AVEN: variants seen among roughly 807,000 people sequenced by gnomAD.
AVEN encodes the protein cell death regulator Aven.
AVEN carries 41 observed loss-of-function variants against 38.1 expected under a neutral mutation model. The observed-to-expected ratio is 1.08, with a 90% confidence interval of 0.84 to 1.40. AVEN has a LOEUF of 1.40. Among genes scored for constraint, AVEN ranks in the 40% most tolerant of loss-of-function variants. The pLI, the probability that AVEN is intolerant of heterozygous loss-of-function variation, is 0.00. For synonymous variants in AVEN, 206 were observed against 171.8 expected (o/e 1.20, Z -1.56); for missense variants, 605 against 438.8 (o/e 1.38, Z -3.38).
At chr15:33,865,222 G>A (rs1490128710), downstream of AVEN, 2 of 1,610,502 alleles carry the variant, frequency 1.2e-6, no homozygotes, top group South Asian at 1.1e-5. Context: ...GATCAGCTTG[G>A]ATAAATCTGA....
intron 2 of AVEN, among the ~76,000 whole-genome samples, chr15:34,068,550 A>G (rs1398253505): frequency 6.6e-6 from 1 of 152,040 alleles, no homozygotes; most frequent in Non-Finnish European, 1.5e-5. Context: ...ATTTTACATA[A>G]CCTCAATACA....
chr15:33,876,005 G>T lies in AVEN; in HGVS notation c.446-10C>A. 1 of 1,587,458 alleles carries T rather than the reference G, an allele frequency of 6.3e-7. No individual in the cohort carries two copies. On this transcript the variant is annotated splice_polypyrimidine_tract_variant and intron_variant, in intron 2 of 5. Coordinates refer to ENST00000306730, the MANE Select transcript of AVEN (RefSeq NM_020371.3). Reference sequence around the variant, plus strand: ...TGTGAGAATGAGTCCCCTAGGAATAGGAAAAAAAAAAAAATTTATGCAAAA... The same window carrying T: ...TGTGAGAATGAGTCCCCTAGGAATATGAAAAAAAAAAAAATTTATGCAAAA...
At chr15:33,986,513 G>C (rs963474847) in intron 2 of AVEN, among the ~76,000 whole-genome samples, 11 of 152,090 alleles carry the variant, frequency 7.2e-5, no homozygotes, top group Non-Finnish European at 1.3e-4. Context: ...TACTTAGCTA[G>C]AAAGTAAGAG....
rs11294882 is a variant in AVEN, at chr15:34,005,432, A to AT, written c.268-2224dup. ...TGCTTCCTCATGGTATTATTTACAG[A>AT]TTTTTTTTATCTCCAATATTATCTA... On this transcript the variant is annotated intron_variant, in intron 1 of 5. Coordinates refer to ENST00000306730, the MANE Select transcript of AVEN (RefSeq NM_020371.3). 4.0e-4 allele frequency among the ~76,000 whole-genome samples: 61 copies of AT among 152,006 alleles called. No homozygotes were observed. In the East Asian group the frequency reaches 0.011, roughly 27 times the overall value.
At position 34,073,979 on chromosome 15, in the gene AVEN, TCTTCTTCTTC is replaced by T. The variant is rs1185096209; in HGVS notation, n.720+447_720+456del. On this transcript the variant is annotated intron_variant and non_coding_transcript_variant, in intron 1 of 11. Transcript: ENST00000675287. ...TACTGTTTGGAGGAACTTTCTTTTT[TCTTCTTCTTC>T]TTTTTTTTTTTTTTTTTTTTTTTTT... Among the ~76,000 whole-genome samples the T allele has an allele frequency of 3.1e-4, 7 of 22,572 alleles. 2 individuals carry two copies. Among genetic ancestry groups the T allele is most frequent in the East Asian group, 2.5e-3 (2 of 812 alleles). The allele number at this position is 22,572 out of a possible 152,430, so 14.8% of individuals were successfully genotyped here.
At chr15:33,980,965 C>G (rs931178029) in intron 2 of AVEN, among the ~76,000 whole-genome samples, 1 of 152,186 alleles carries the variant, frequency 6.6e-6, no homozygotes, top group African/African-American at 2.4e-5. Context: ...TTCAGAAACA[C>G]TCTGCAAGTA....
At chr15:34,050,647 A>G (rs1285390738) in intron 5 of AVEN, among the ~76,000 whole-genome samples, 2 of 152,206 alleles carry the variant, frequency 1.3e-5, no homozygotes, top group Non-Finnish European at 1.5e-5. Context: ...AAATAAAGGA[A>G]TGGAGAAAAA....
chr15:33,868,304 A>C (rs1036855857), intron 4 of AVEN, among the ~76,000 whole-genome samples: 3 of 152,080 alleles, frequency 2.0e-5, no homozygotes, highest in African/African-American at 7.2e-5. Context: ...TGGGTGGATC[A>C]TGAGGTCAGG....
chr15:33,975,786 C>A (rs1487437458), intron 2 of AVEN, among the ~76,000 whole-genome samples: 1 of 152,154 alleles, frequency 6.6e-6, no homozygotes, highest in Non-Finnish European at 1.5e-5. Context: ...AAAAATTAGC[C>A]GGGCGTGGTG....
intron 2 of AVEN, among the ~76,000 whole-genome samples, chr15:33,904,710 T>TACACACACAC (rs1369829949): frequency 1.3e-4 from 16 of 121,166 alleles, no homozygotes; most frequent in South Asian, 5.1e-4. Context: ...TATATATATA[T>TACACACACAC]ATATATACAC....
chr15:34,052,453 G>C (rs1685118), intron 5 of AVEN, among the ~76,000 whole-genome samples: 119,615 of 152,096 alleles, frequency 0.79, 48,830 homozygotes, highest in Non-Finnish European at 0.89. Context: ...AGGGTACTCT[G>C]TCTTACCACT....
intron 3 of AVEN, among the ~76,000 whole-genome samples, chr15:33,872,455 C>T (rs115534121): frequency 6.6e-6 from 1 of 152,274 alleles, no homozygotes; most frequent in South Asian, 2.1e-4. Context: ...GGCCCAGAGA[C>T]CATGTGTACA....
intron 2 of AVEN, among the ~76,000 whole-genome samples, chr15:33,886,912 C>G (rs1490935882): frequency 6.6e-6 from 1 of 152,128 alleles, no homozygotes; most frequent in Admixed American, 6.5e-5. Flanking sequence ...ATATGAGAAC[C>G]AGAGCTCCTG....
At chr15:33,916,178 T>C (rs1362786519) in intron 2 of AVEN, among the ~76,000 whole-genome samples, 1 of 152,080 alleles carries the variant, frequency 6.6e-6, no homozygotes, top group African/African-American at 2.4e-5. Flanking sequence ...CCACAGCTGA[T>C]GCCCTCTTGA....
intron 2 of AVEN, among the ~76,000 whole-genome samples, chr15:33,933,881 C>T (rs989195032): frequency 6.6e-6 from 1 of 151,622 alleles, no homozygotes; most frequent in Non-Finnish European, 1.5e-5. Context: ...ATTGCTTGAA[C>T]TGGGGAGGCA....
At chr15:34,032,317 G>C (rs774483157) in intron 1 of AVEN, among the ~76,000 whole-genome samples, 1 of 152,086 alleles carries the variant, frequency 6.6e-6, no homozygotes, top group Admixed American at 6.5e-5. Flanking sequence ...GCCCAGTGCT[G>C]TAAAAAGTAA....
chr15:33,885,479 C>A (rs944122159), intron 2 of AVEN: 2 of 152,148 alleles, frequency 1.3e-5, no homozygotes, highest in South Asian at 4.1e-4. Flanking sequence ...ACAAGCGACA[C>A]CTAACACTTT....
chr15:33,955,132 A>T (rs1894908139), intron 2 of AVEN, among the ~76,000 whole-genome samples: 1 of 152,184 alleles, frequency 6.6e-6, no homozygotes, highest in Non-Finnish European at 1.5e-5. Flanking sequence ...CTATAACCTT[A>T]AGTGTCAGAA....
At chr15:34,052,110 C>G (rs1001003618) in intron 5 of AVEN, among the ~76,000 whole-genome samples, 1 of 151,296 alleles carries the variant, frequency 6.6e-6, no homozygotes, top group Non-Finnish European at 1.5e-5. Flanking sequence ...GAAATACTGG[C>G]AAATGAAATC....
Sources: gnomAD v4.1 joint callset for allele counts (sites outside exome capture counted in the v4.1 genomes callset) on GRCh38, gnomAD v4.1.1 for gene constraint, MANE v1.5 for transcripts, NCBI Gene and HGNC (gene_info 2026-07-23, HGNC 2026-07-21) for gene names.